The following ADGRL3 variants were observed in gnomAD, a reference collection of about 807,000 sequenced individuals.
ADGRL3 encodes the protein adhesion G protein-coupled receptor L3.
In ADGRL3, 62 loss-of-function variants were observed where a neutral mutation model predicts 153.5. That is an observed-to-expected ratio of 0.40 (90% CI 0.33 to 0.50). The LOEUF is 0.50. Among genes scored for constraint, ADGRL3 ranks in the 20% least tolerant of loss-of-function variants. The pLI, the probability that ADGRL3 is intolerant of heterozygous loss-of-function variation, is 0.47. For missense variants in ADGRL3, 1,641 were observed against 1,859.4 expected, an observed-to-expected ratio of 0.88 and a Z score of 2.16; for synonymous variants, 710 against 672.5, an observed-to-expected ratio of 1.06 and a Z score of -0.86.
At position 61,665,540 on chromosome 4, in the gene ADGRL3, A is replaced by G. The variant is rs1025248377; in HGVS notation, c.474-11286A>G. On this transcript the variant is annotated intron_variant, in intron 5 of 26. Coordinates refer to ENST00000683033, the MANE Select transcript of ADGRL3 (RefSeq NM_001387552.1). Reference sequence around the variant, plus strand: ...TCTTAACCATCTTAAGACCATAAGAAAAATCCAAGAGAATTTCATAAAATC... The same window carrying G: ...TCTTAACCATCTTAAGACCATAAGAGAAATCCAAGAGAATTTCATAAAATC... Among the ~76,000 whole-genome samples the G allele has an allele frequency of 1.1e-4, 17 of 152,234 alleles. 1 individual carries two copies. The highest frequency in any genetic ancestry group is 4.1e-4 in the African/African-American group (17 of 41,460).
intron 1 of ADGRL3, among the ~76,000 whole-genome samples, chr4:61,351,444 A>G (rs1347125781): frequency 6.6e-6 from 1 of 152,238 alleles, no homozygotes; most frequent in Non-Finnish European, 1.5e-5. Context: ...AAAGATTTTC[A>G]ATGTGGACAA....
intron 8 of ADGRL3, among the ~76,000 whole-genome samples, chr4:61,761,471 T>A (rs2096911390): frequency 6.6e-6 from 1 of 152,236 alleles, no homozygotes; most frequent in Non-Finnish European, 1.5e-5. Flanking sequence ...GTTCTGGAAA[T>A]TTTTACCCAG....
At chr4:61,657,908 C>T (rs556680727) in intron 5 of ADGRL3, among the ~76,000 whole-genome samples, 4 of 152,282 alleles carry the variant, frequency 2.6e-5, no homozygotes, top group African/African-American at 9.6e-5. Flanking sequence ...GTGCTTCTAT[C>T]TGCCCCCATG....
intron 1 of ADGRL3, among the ~76,000 whole-genome samples, chr4:61,329,876 G>T (rs946509299): frequency 6.6e-6 from 1 of 152,160 alleles, no homozygotes; most frequent in East Asian, 1.9e-4. Context: ...AAATAGGGGT[G>T]TCAGTAGGGT....
At chr4:61,587,971 G>A (rs927165320) in intron 5 of ADGRL3, among the ~76,000 whole-genome samples, 2 of 151,912 alleles carry the variant, frequency 1.3e-5, no homozygotes, top group East Asian at 3.9e-4. Context: ...TTAAATATTT[G>A]AGCAATCTAA....
intron 6 of ADGRL3, among the ~76,000 whole-genome samples, chr4:61,712,364 C>T (rs899457823): frequency 2.6e-5 from 4 of 151,846 alleles, no homozygotes; most frequent in African/African-American, 9.7e-5. Context: ...CACTGCACTG[C>T]AGCCTAGGTG....
intron 4 of ADGRL3, among the ~76,000 whole-genome samples, chr4:61,561,456 C>T (rs2098794752): frequency 1.3e-5 from 2 of 152,016 alleles, no homozygotes; most frequent in African/African-American, 4.8e-5. Context: ...GTTTCCTGAC[C>T]AAAGCTTCCA....
chr4:61,844,114 A>G (rs1002724395), intron 9 of ADGRL3, among the ~76,000 whole-genome samples: 36 of 150,956 alleles, frequency 2.4e-4, no homozygotes, highest in Non-Finnish European at 8.8e-5. Context: ...TGGAAATCGT[A>G]TATTTTGTGT....
chr4:61,873,431 G>A (rs937124232), intron 9 of ADGRL3, among the ~76,000 whole-genome samples: 4 of 152,018 alleles, frequency 2.6e-5, no homozygotes, highest in African/African-American at 7.3e-5. Context: ...ATGTTGTTAC[G>A]CATGTTCTCC....
intron 1 of ADGRL3, among the ~76,000 whole-genome samples, chr4:61,364,868 C>G (rs2096366218): frequency 6.6e-6 from 1 of 152,086 alleles, no homozygotes; most frequent in African/African-American, 2.4e-5. Flanking sequence ...TAATGTCATT[C>G]AATGTCAACT....
At chr4:61,375,941 A>G (rs1477423982) in intron 1 of ADGRL3, among the ~76,000 whole-genome samples, 1 of 152,092 alleles carries the variant, frequency 6.6e-6, no homozygotes, top group Non-Finnish European at 1.5e-5. Context: ...TCTTTCCTGA[A>G]TTGACTCCCT....
At chr4:61,446,117 T>TAA (rs1381742118) in intron 2 of ADGRL3, among the ~76,000 whole-genome samples, 1 of 152,202 alleles carries the variant, frequency 6.6e-6, no homozygotes, top group Non-Finnish European at 1.5e-5. Flanking sequence ...AGAGTGTATC[T>TAA]TCATCATTAA....
At chr4:61,688,636 C>T (rs1321018976) in intron 6 of ADGRL3, among the ~76,000 whole-genome samples, 1 of 152,132 alleles carries the variant, frequency 6.6e-6, no homozygotes, top group Non-Finnish European at 1.5e-5. Context: ...ATAATCAGTG[C>T]TATCAGGCAC....
intron 5 of ADGRL3, among the ~76,000 whole-genome samples, chr4:61,599,460 G>A (rs1174896855): frequency 2.0e-5 from 3 of 152,166 alleles, no homozygotes; most frequent in African/African-American, 4.8e-5. Flanking sequence ...AGCCTCCTGA[G>A]TAGCTGGGAT....
chr4:62,059,793 G>A (rs950951226), intron 25 of ADGRL3, among the ~76,000 whole-genome samples: 1 of 152,198 alleles, frequency 6.6e-6, no homozygotes, highest in South Asian at 2.1e-4. Context: ...TAGTATTTCT[G>A]CCATTGTTGC....
intron 25 of ADGRL3, among the ~76,000 whole-genome samples, chr4:62,053,937 A>G (rs28582936): frequency 0.026 from 3,967 of 151,642 alleles, 180 homozygotes; most frequent in African/African-American, 0.092. Flanking sequence ...TATTAATAAT[A>G]TGTTCATTTG....
At chr4:61,931,596 C>T (rs1341867876) in intron 13 of ADGRL3, among the ~76,000 whole-genome samples, 1 of 152,152 alleles carries the variant, frequency 6.6e-6, no homozygotes, top group Non-Finnish European at 1.5e-5. Context: ...AGAATACTGT[C>T]TCTCTATCCT....
intron 24 of ADGRL3, among the ~76,000 whole-genome samples, chr4:62,042,079 AAATT>A (rs1728631730): frequency 6.6e-6 from 1 of 152,028 alleles, no homozygotes; most frequent in African/African-American, 2.4e-5. Context: ...AGCATAGAAA[AAATT>A]AATTTATATA....
intron 8 of ADGRL3, among the ~76,000 whole-genome samples, chr4:61,783,463 A>C (rs987426005): frequency 6.6e-6 from 1 of 152,122 alleles, no homozygotes; most frequent in Non-Finnish European, 1.5e-5. Context: ...AGCCAATAGA[A>C]GTTAGATTGG....
Sources: gnomAD v4.1 joint callset for allele counts (sites outside exome capture counted in the v4.1 genomes callset) on GRCh38, gnomAD v4.1.1 for gene constraint, MANE v1.5 for transcripts, NCBI Gene and HGNC (gene_info 2026-07-23, HGNC 2026-07-21) for gene names.